Variants in KIAA1217 observed in about 807,000 individuals in gnomAD.
KIAA1217 encodes sickle tail protein homolog.
In KIAA1217, 88 loss-of-function variants were observed where a neutral mutation model predicts 163.9. That is an observed-to-expected ratio of 0.54 (90% CI 0.45 to 0.64). KIAA1217 has a LOEUF of 0.64. Among genes scored for constraint, KIAA1217 ranks in the 30% least tolerant of loss-of-function variants. The pLI is 0.00. For missense variants in KIAA1217, 2,372 were observed against 2,475.0 expected, an observed-to-expected ratio of 0.96 and a Z score of 0.88; for synonymous variants, 903 against 923.1, an observed-to-expected ratio of 0.98 and a Z score of 0.39.
intron 2 of KIAA1217, among the ~76,000 whole-genome samples, chr10:24,147,862 A>AAAAAAAAAAAAG (rs1564755588): frequency 7.0e-6 from 1 of 143,534 alleles, no homozygotes; most frequent in Non-Finnish European, 1.5e-5. Flanking sequence ...AAAAAAAAAA[A>AAAAAAAAAAAAG]GAAAGAAAGA....
chr10:23,696,830 C>T (rs1588615716), intron 1 of KIAA1217, among the ~76,000 whole-genome samples: 1 of 152,172 alleles, frequency 6.6e-6, no homozygotes, highest in African/African-American at 2.4e-5. Context: ...CCAGAGACCA[C>T]CACTGCACCT....
At chr10:24,165,753 G>A (rs1198178379) in intron 2 of KIAA1217, among the ~76,000 whole-genome samples, 2 of 152,118 alleles carry the variant, frequency 1.3e-5, no homozygotes, top group Non-Finnish European at 2.9e-5. Context: ...GGCCATAACT[G>A]GAAAAATTAA....
At position 24,089,665 on chromosome 10, in the gene KIAA1217, G is replaced by A. The variant is rs151331611; in HGVS notation, c.-171+82291G>A. On this transcript the variant is annotated intron_variant, in intron 2 of 18. Transcript: ENST00000376462. ...TTTCCATTGGTCTGTATCTCTGTTTGGGTACCAGTACCATGCTGTTTTGGT... is the reference window on the plus strand; with the variant it reads ...TTTCCATTGGTCTGTATCTCTGTTTAGGTACCAGTACCATGCTGTTTTGGT... Among the ~76,000 whole-genome samples the A allele has an allele frequency of 1.5e-3, 221 of 151,682 alleles. 2 individuals carry two copies. Among genetic ancestry groups the A allele is most frequent in the Non-Finnish European group, 2.7e-3 (185 of 68,000 alleles).
At chr10:23,727,239 T>G (rs1456719637) in intron 1 of KIAA1217, among the ~76,000 whole-genome samples, 1 of 151,934 alleles carries the variant, frequency 6.6e-6, no homozygotes, top group East Asian at 1.9e-4. Flanking sequence ...GATCCACCCC[T>G]CTCGGCCTCC....
At chr10:24,421,166 C>G (rs1339982944) in intron 3 of KIAA1217, among the ~76,000 whole-genome samples, 1 of 152,106 alleles carries the variant, frequency 6.6e-6, no homozygotes, top group African/African-American at 2.4e-5. Flanking sequence ...CCACCACACC[C>G]AGCTAATTTT....
At chr10:23,894,598 T>C (rs1841588994) in intron 1 of KIAA1217, among the ~76,000 whole-genome samples, 1 of 150,272 alleles carries the variant, frequency 6.7e-6, no homozygotes, top group Non-Finnish European at 1.5e-5. Flanking sequence ...GCCATCCCCA[T>C]CAAGCTACCA....
At position 24,130,463 on chromosome 10, in the gene KIAA1217, G is replaced by T. The variant is rs16924322; in HGVS notation, c.-170-89163G>T. ...GTAGCATCTTTTTGTGTGCATCAAT[G>T]AATCCTTACTTTGCATAATCTGTAT... On this transcript the variant is annotated intron_variant, in intron 2 of 18. Transcript: ENST00000376462. Among the ~76,000 whole-genome samples the T allele has an allele frequency of 8.7e-3, 1,320 of 152,256 alleles. 82 individuals carry two copies. Among genetic ancestry groups the T allele is most frequent in the Admixed American group, 0.069 (1,049 of 15,280 alleles).
intron 2 of KIAA1217, among the ~76,000 whole-genome samples, chr10:24,081,547 T>C (rs1247537639): frequency 6.6e-6 from 1 of 152,164 alleles, no homozygotes; most frequent in African/African-American, 2.4e-5. Context: ...TCCTGTTAAG[T>C]TGGCTGTTTT....
At chr10:24,255,075 G>A (rs960423469) in intron 2 of KIAA1217, among the ~76,000 whole-genome samples, 7 of 152,002 alleles carry the variant, frequency 4.6e-5, no homozygotes, top group African/African-American at 1.5e-4. Flanking sequence ...GGCTGGTCTC[G>A]AACTCCTGAC....
At position 24,501,417 on chromosome 10, in the gene KIAA1217, C is replaced by G; in HGVS notation, c.1873C>G (p.Leu625Val). 1 of 1,614,004 alleles carries G rather than the reference C, an allele frequency of 6.2e-7. No homozygotes were observed. Among genetic ancestry groups the G allele is most frequent in the Non-Finnish European group, 8.5e-7 (1 of 1,179,914 alleles). The change falls in exon 9 of 21, where the codon CTG (leucine) becomes GTG (valine). Residue 625 changes from leucine (L) to valine (V), a missense_variant. By Grantham distance (32) the Leu-to-Val change is conservative (BLOSUM62 1). Transcript: ENST00000376454. ...GTCTGGTGGGAAGATGCTCAGTGCTCTGGAGTCCACGGTGCCTCCCAGCCA... is the reference window on the plus strand; with the variant it reads ...GTCTGGTGGGAAGATGCTCAGTGCTGTGGAGTCCACGGTGCCTCCCAGCCA... Reference protein sequence around the residue: ...HVSGGKMLSALESTVPPSQPP... With the variant: ...HVSGGKMLSAVESTVPPSQPP...
intron 2 of KIAA1217, among the ~76,000 whole-genome samples, chr10:24,056,386 G>A (rs1181142418): frequency 1.3e-5 from 2 of 152,070 alleles, no homozygotes; most frequent in Non-Finnish European, 2.9e-5. Context: ...TGAAGAAAAA[G>A]CATACCCGCT....
chr10:23,946,267 TA>T (rs35262067), intron 1 of KIAA1217, among the ~76,000 whole-genome samples: 314 of 115,688 alleles, frequency 2.7e-3, no homozygotes, highest in East Asian at 5.8e-3. Flanking sequence ...CTCTTCCGTT[TA>T]AAAAAAAAAA....
chr10:23,885,073 A>C (rs1841114079), intron 1 of KIAA1217, among the ~76,000 whole-genome samples: 1 of 152,006 alleles, frequency 6.6e-6, no homozygotes, highest in South Asian at 2.1e-4. Context: ...TGTTTCCAGA[A>C]GCCAAAGAAC....
At chr10:23,804,167 T>C (rs1278086416) in intron 1 of KIAA1217, among the ~76,000 whole-genome samples, 2 of 152,180 alleles carry the variant, frequency 1.3e-5, no homozygotes, top group Non-Finnish European at 2.9e-5. Context: ...ACTTTTTTTT[T>C]CTTCATTGCT....
intron 1 of KIAA1217, among the ~76,000 whole-genome samples, chr10:23,978,472 G>A (rs964879743): frequency 1.3e-5 from 2 of 152,130 alleles, no homozygotes. Context: ...CTAAATTAGA[G>A]TGGAATTCCT....
intron 5 of KIAA1217, chr10:24,449,777 C>A: frequency 1.1e-5 from 11 of 974,922 alleles, no homozygotes; most frequent in South Asian, 4.7e-5. Context: ...AAGAACTGTG[C>A]CTTTATGATA....
At chr10:23,874,507 C>G (rs1840596457) in intron 1 of KIAA1217, among the ~76,000 whole-genome samples, 1 of 151,990 alleles carries the variant, frequency 6.6e-6, no homozygotes, top group South Asian at 2.1e-4. Flanking sequence ...TCACATGTAA[C>G]TTCTACCTAT....
At chr10:23,858,996 G>C (rs193298489) in intron 1 of KIAA1217, among the ~76,000 whole-genome samples, 115 of 152,308 alleles carry the variant, frequency 7.6e-4, no homozygotes, top group African/African-American at 2.6e-3. Context: ...AATGCAGGAA[G>C]AAATTTAAAC....
At position 24,527,975 on chromosome 10, in the gene KIAA1217, G is replaced by C. The variant is rs1242879903; in HGVS notation, c.2938G>C (p.Asp980His). ...KKWEEKRQNL[D>H]HYNGKEFEKL... ...ATGGGAGGAAAAAAGGCAAAATCTG[G>C]ATCACTATAATGGGAAAGAGTTTGA... The change falls in exon 14 of 21, where the codon GAT becomes CAT. Residue 980 changes from aspartate to histidine, a missense_variant. By Grantham distance (81) the Asp-to-His change is moderately conservative. Transcript: ENST00000376454. The C allele has an allele frequency of 6.2e-7, 1 of 1,614,042 alleles. No homozygotes were observed.
Sources: allele counts gnomAD v4.1 joint callset (sites outside exome capture counted in the v4.1 genomes callset), GRCh38; gene constraint gnomAD v4.1.1; transcripts MANE v1.5; gene names NCBI Gene and HGNC (gene_info 2026-07-23, HGNC 2026-07-21).